Variants in EDA observed in about 807,000 individuals in gnomAD.
EDA encodes ectodysplasin-A.
Under a neutral mutation model 23.6 loss-of-function variants are expected in EDA, and 2 were observed. The observed-to-expected ratio is 0.08, with a 90% CI of 0.03 to 0.27. The LOEUF is 0.27. EDA is among the 10% of genes least tolerant of loss of function. The pLI, the probability that EDA is intolerant of heterozygous loss-of-function variation, is 1.00. For missense variants in EDA, 229 were observed against 324.2 expected, an observed-to-expected ratio of 0.71 and a Z score of 2.26; for synonymous variants, 131 against 132.0, an observed-to-expected ratio of 0.99 and a Z score of 0.05.
chrX:69,766,373 A>G (rs2014469637), intron 1 of EDA, among the ~76,000 whole-genome samples: 1 of 110,322 alleles, frequency 9.1e-6, no homozygotes, highest in Non-Finnish European at 1.9e-5. Context: ...AGATTATTTC[A>G]TCACCCAGAT....
intron 1 of EDA, chrX:69,670,241 G>A: frequency 3.1e-6 from 1 of 320,025 alleles, no homozygotes; most frequent in South Asian, 5.0e-5. Context: ...TTCTCTTATG[G>A]CCTACAAGGT....
intron 1 of EDA, among the ~76,000 whole-genome samples, chrX:69,625,886 C>T (rs1932365465): frequency 9.5e-6 from 1 of 105,459 alleles, no homozygotes; most frequent in Non-Finnish European, 2.0e-5. Flanking sequence ...ATGCAACAGA[C>T]TAGGAGAAAA....
intron 1 of EDA, among the ~76,000 whole-genome samples, chrX:69,743,356 T>C (rs1250936861): frequency 8.9e-6 from 1 of 112,059 alleles, no homozygotes; most frequent in Non-Finnish European, 1.9e-5. Flanking sequence ...TAATATTTAG[T>C]AGATACTGCT....
chrX:69,982,559 G>C (rs182088909), intron 2 of EDA, among the ~76,000 whole-genome samples: 18 of 111,821 alleles, frequency 1.6e-4, no homozygotes, highest in African/African-American at 5.5e-4. Context: ...GCTACTGTCA[G>C]AAATCCTGTT....
intron 1 of EDA, among the ~76,000 whole-genome samples, chrX:69,787,454 A>G (rs1170604266): frequency 9.7e-6 from 1 of 103,565 alleles, no homozygotes; most frequent in Non-Finnish European, 2.0e-5. Context: ...CATGTTTAGC[A>G]CTTCCTTCAG....
At chrX:69,772,729 T>C in intron 1 of EDA, among the ~76,000 whole-genome samples, 1 of 111,442 alleles carries the variant, frequency 9.0e-6, no homozygotes, top group East Asian at 2.8e-4. Flanking sequence ...TGAGAAAATG[T>C]GGTATTTGGT....
At chrX:69,632,597 G>C (rs1932643079) in intron 1 of EDA, among the ~76,000 whole-genome samples, 1 of 111,906 alleles carries the variant, frequency 8.9e-6, no homozygotes, top group African/African-American at 3.3e-5. Flanking sequence ...TCTCACTTTG[G>C]TCCTCAGACC....
At chrX:69,767,864 A>G (rs1278911678) in intron 1 of EDA, among the ~76,000 whole-genome samples, 1 of 111,836 alleles carries the variant, frequency 8.9e-6, no homozygotes, top group Non-Finnish European at 1.9e-5. Context: ...TGGTGTACTA[A>G]GTCTTTTTAA....
intron 1 of EDA, among the ~76,000 whole-genome samples, chrX:69,751,205 G>C (rs934056309): frequency 2.5e-3 from 4 of 1,614 alleles, no homozygotes; most frequent in African/African-American, 4.3e-3. Flanking sequence ...TTTAGTATAA[G>C]GTGTAAGGAA....
intron 1 of EDA, among the ~76,000 whole-genome samples, chrX:69,865,395 C>T (rs1569359548): frequency 1.8e-5 from 2 of 110,392 alleles, no homozygotes; most frequent in South Asian, 3.9e-4. Flanking sequence ...AGAGCCAGTC[C>T]GAGTCCCAAA....
At chrX:70,004,004 A>G (rs1262403994) in intron 2 of EDA, among the ~76,000 whole-genome samples, 2 of 111,830 alleles carry the variant, frequency 1.8e-5, no homozygotes, top group Non-Finnish European at 3.8e-5. Context: ...CATCCTAACC[A>G]CTAAAGTGAC....
intron 1 of EDA, among the ~76,000 whole-genome samples, chrX:69,724,331 C>T (rs779900665): frequency 8.9e-6 from 1 of 111,909 alleles, no homozygotes; most frequent in East Asian, 2.8e-4. Context: ...CTTTTCCACG[C>T]TTTCCTGGCC....
chrX:70,027,173 T>C (rs776692595), intron 3 of EDA, among the ~76,000 whole-genome samples: 5 of 112,077 alleles, frequency 4.5e-5, no homozygotes, highest in African/African-American at 1.3e-4. Flanking sequence ...TCCTTTGGAC[T>C]CAGCTGAAAT....
intron 1 of EDA, among the ~76,000 whole-genome samples, chrX:69,624,840 G>A (rs1005467764): frequency 9.4e-6 from 1 of 106,824 alleles, no homozygotes; most frequent in Non-Finnish European, 1.9e-5. Flanking sequence ...TACTATATCA[G>A]CCAATGACCT....
chrX:69,731,023 C>G (rs929636361), intron 1 of EDA, among the ~76,000 whole-genome samples: 1 of 112,502 alleles, frequency 8.9e-6, no homozygotes. Flanking sequence ...ATAGTTTATA[C>G]ATACAACTTA....
At chrX:69,913,292 A>G (rs762049905) in intron 1 of EDA, among the ~76,000 whole-genome samples, 9 of 112,455 alleles carry the variant, frequency 8.0e-5, no homozygotes, top group Admixed American at 4.7e-4. Context: ...CTGATGTTTA[A>G]TGTAGCAACC....
chrX:69,806,138 GATA>G (rs1402810801), intron 1 of EDA, among the ~76,000 whole-genome samples: 1 of 111,686 alleles, frequency 9.0e-6, no homozygotes, highest in African/African-American at 3.2e-5. Flanking sequence ...TACCTGAATT[GATA>G]ATCTATTATA....
intron 1 of EDA, among the ~76,000 whole-genome samples, chrX:69,842,497 G>A (rs1416609165): frequency 1.8e-5 from 2 of 112,163 alleles, no homozygotes; most frequent in African/African-American, 6.5e-5. Flanking sequence ...CACAAAACCA[G>A]TCCCTGGTGC....
At position 69,826,328 on chromosome X, in the gene EDA, G is replaced by T. The variant is rs1216222508; in HGVS notation, c.397-130699G>T. On this transcript the variant is annotated intron_variant, in intron 1 of 7. Transcript: ENST00000374552. ...AAAGTCTCCCATTATTAATGTGTGG[G>T]AGTCTAAGTCTCTTTGTAGGTCACT... Among the ~76,000 whole-genome samples, 6 of 109,984 alleles carry T rather than the reference G, an allele frequency of 5.5e-5. No individual in the cohort carries two copies. In the East Asian group the frequency reaches 1.7e-3, roughly 31 times the overall value.
Sources: allele counts gnomAD v4.1 joint callset (sites outside exome capture counted in the v4.1 genomes callset), GRCh38; gene constraint gnomAD v4.1.1; transcripts MANE v1.5; gene names NCBI Gene and HGNC (gene_info 2026-07-23, HGNC 2026-07-21).